The following CERKL variants were observed in gnomAD, a reference collection of about 807,000 sequenced individuals.
CERKL encodes CERK like autophagy regulator.
CERKL carries 61 observed loss-of-function variants against 63.4 expected under a neutral mutation model. That is an observed-to-expected ratio of 0.96 (90% CI 0.78 to 1.19). The LOEUF (loss-of-function observed/expected upper bound fraction) is 1.19, where lower values mean the gene tolerates loss of function less well. CERKL is among the 50% of genes most tolerant of loss of function. The pLI is 0.00. For synonymous variants in CERKL, 250 were observed against 230.5 expected, an observed-to-expected ratio of 1.08 and a Z score of -0.77; for missense variants, 675 against 655.5, an observed-to-expected ratio of 1.03 and a Z score of -0.33.
In CERKL at chr2:181,538,024, A is replaced by C. The variant is rs185476460; in HGVS notation, c.*160T>G. 288 of 692,938 alleles carry C rather than the reference A, an allele frequency of 4.2e-4. 3 individuals carry two copies. The East Asian group carries it at 6.1e-3, about 15-fold the overall frequency. The allele number at this position is 692,938 out of a possible 1,614,324, so 42.9% of individuals were successfully genotyped here. ...AGAGAATCTAATGCCTGATGATCTG[A>C]GGTGGAACAGTTCATCCTGAAACCA... On this transcript the variant is annotated 3_prime_UTR_variant, in exon 13 of 13. Transcript: ENST00000410087.
At chr2:181,647,079 AG>A (rs1259000429) in intron 1 of CERKL, among the ~76,000 whole-genome samples, 6 of 152,246 alleles carry the variant, frequency 3.9e-5, no homozygotes, top group African/African-American at 1.4e-4. Flanking sequence ...TAAAAACCAA[AG>A]AAAGAAAGTG....
intron 3 of CERKL, among the ~76,000 whole-genome samples, chr2:181,567,029 A>G (rs1574456185): frequency 6.6e-6 from 1 of 152,064 alleles, no homozygotes; most frequent in South Asian, 2.1e-4. Context: ...TTTTCCTACA[A>G]TGTTTTTCGA....
At chr2:181,577,737 G>A (rs559248266) in intron 2 of CERKL, among the ~76,000 whole-genome samples, 1 of 152,264 alleles carries the variant, frequency 6.6e-6, no homozygotes, top group East Asian at 1.9e-4. Flanking sequence ...GCAGTGACAT[G>A]GGGTGGAAGA....
At chr2:181,556,939 C>A (rs6724107) in intron 5 of CERKL, among the ~76,000 whole-genome samples, 61,642 of 151,930 alleles carry the variant, frequency 0.41, 13,588 homozygotes, top group African/African-American at 0.58. Flanking sequence ...CACCATTCTA[C>A]CTGGGGTGAG....
At position 181,656,801 on chromosome 2, in the gene CERKL, C is replaced by T. The variant is rs1688185277; in HGVS notation, c.206G>A (p.Arg69Gln). 1 of 1,596,498 alleles carries T rather than the reference C, an allele frequency of 6.3e-7. No individual in the cohort carries two copies. The highest frequency in any genetic ancestry group is 8.6e-7 in the Non-Finnish European group (1 of 1,169,242). The change falls in exon 1 of 13, where the codon CGG becomes CAG. Residue 69 changes from arginine (R) to glutamine (Q), a missense_variant. Transcript: ENST00000410087. ...GCGCTCGGGCTGAATGGGCCGCCACCGCAGTGCTCGCTCGCTCAGCACCAC... is the reference window on the plus strand; with the variant it reads ...GCGCTCGGGCTGAATGGGCCGCCACTGCAGTGCTCGCTCGCTCAGCACCAC... ...CDVVLSERAL[R>Q]WRPIQPERPA... is the part of the protein sequence containing the mutation.
rs745449502 is a variant in CERKL at position 181,538,183 on chromosome 2, G to GTTACT, written c.1595_1599dup. 1.9e-6 allele frequency: 3 copies of GTTACT among 1,557,752 alleles called. No individual in the cohort carries two copies. In the African/African-American group the frequency reaches 4.1e-5, roughly 21 times the overall value. ...ACATTTCTTTTAGAAACAATTACATGTTACTTTGGAATCATTTCTTCCATG... is the reference window on the plus strand; with the variant it reads ...ACATTTCTTTTAGAAACAATTACATGTTACTTTACTTTGGAATCATTTCTTCCATG... On this transcript the variant is annotated 3_prime_UTR_variant, in exon 13 of 13. Coordinates refer to ENST00000410087, the MANE Select transcript of CERKL (RefSeq NM_201548.5).
chr2:181,605,462 T>A (rs1685637499), intron 1 of CERKL, among the ~76,000 whole-genome samples: 1 of 152,194 alleles, frequency 6.6e-6, no homozygotes, highest in African/African-American at 2.4e-5. Context: ...TCCTACCAGC[T>A]GAAGTGGAAA....
Position 181,566,041 on chromosome 2 carries a change from T to TTACATA in CERKL, c.677+16_677+17insTATGTA, listed in dbSNP as rs745315252. ...ACATAAATGATATAACATATATTGA[T>TTACATA]TAATAATATAACCTACCCATCAAAT... On this transcript the variant is annotated intron_variant, in intron 4 of 12. Coordinates refer to ENST00000410087, the MANE Select transcript of CERKL (RefSeq NM_201548.5). The TTACATA allele has an allele frequency of 3.7e-5, 56 of 1,521,368 alleles. No individual in the cohort carries two copies. The highest frequency in any genetic ancestry group is 4.5e-5 in the Non-Finnish European group (49 of 1,096,502). The allele number at this position is 1,521,368 out of a possible 1,614,324, so 94.2% of individuals were successfully genotyped here.
intron 2 of CERKL, among the ~76,000 whole-genome samples, chr2:181,588,066 T>C (rs1321704844): frequency 6.6e-6 from 1 of 152,196 alleles, no homozygotes; most frequent in Admixed American, 6.5e-5. Context: ...AATGGCTAAA[T>C]TGAGCCAATT....
intron 2 of CERKL, among the ~76,000 whole-genome samples, chr2:181,594,749 C>G (rs376763429): frequency 6.6e-6 from 1 of 151,926 alleles, no homozygotes; most frequent in African/African-American, 2.4e-5. Flanking sequence ...TAAAGATGAT[C>G]GACAAGGAGA....
At chr2:181,604,160 T>A in intron 1 of CERKL, 81 bp from the exon 2 acceptor site, 1 of 1,178,254 alleles carries the variant, frequency 8.5e-7, no homozygotes, top group Non-Finnish European at 1.2e-6. Context: ...TACCAGAGGG[T>A]AGAAAGTGAG....
chr2:181,581,489 A>T (rs900569484), intron 2 of CERKL, among the ~76,000 whole-genome samples: 3 of 152,232 alleles, frequency 2.0e-5, no homozygotes, highest in Admixed American at 1.3e-4. Context: ...TGAATCCTGT[A>T]GTTGACAGCC....
intron 1 of CERKL, among the ~76,000 whole-genome samples, chr2:181,654,611 C>A (rs535971058): frequency 6.6e-6 from 1 of 152,324 alleles, no homozygotes; most frequent in East Asian, 1.9e-4. Context: ...GCTCTCCCCC[C>A]ACCACATCCT....
At chr2:181,642,735 AT>A (rs941187106) in intron 1 of CERKL, among the ~76,000 whole-genome samples, 27 of 151,982 alleles carry the variant, frequency 1.8e-4, no homozygotes, top group African/African-American at 6.3e-4. Flanking sequence ...GCCTAGTTTT[AT>A]TTTTTTTAAA....
chr2:181,606,899 T>C lies in CERKL; in HGVS notation c.239-2820A>G, dbSNP rs548001529. 2.0e-5 allele frequency among the ~76,000 whole-genome samples: 3 copies of C among 152,306 alleles called. No individual in the cohort carries two copies. In the South Asian group the frequency reaches 6.2e-4, roughly 32 times the overall value. On this transcript the variant is annotated intron_variant, in intron 1 of 12. Transcript: ENST00000410087. The stretch of plus-strand genomic sequence containing the variant: ...GAATGGTTTGTCCTGTCCCGGTCAG[T>C]AAATACTAATTGATTAACCCTCATC...
chr2:181,576,988 C>T (rs982872290), intron 2 of CERKL, among the ~76,000 whole-genome samples: 8 of 152,274 alleles, frequency 5.3e-5, no homozygotes, highest in Non-Finnish European at 1.2e-4. Context: ...GCATATTCAT[C>T]AGAATTACCT....
intron 2 of CERKL, among the ~76,000 whole-genome samples, chr2:181,578,511 G>A (rs1392562061): frequency 6.0e-5 from 9 of 150,038 alleles, no homozygotes; most frequent in African/African-American, 2.0e-4. Flanking sequence ...TGTTGGCCAG[G>A]CTCATCCTGA....
chr2:181,580,687 G>A (rs527868536), intron 2 of CERKL, among the ~76,000 whole-genome samples: 18 of 152,254 alleles, frequency 1.2e-4, no homozygotes, highest in South Asian at 1.0e-3. Flanking sequence ...AGAGCTGTTT[G>A]ACATAAGTAA....
intron 1 of CERKL, among the ~76,000 whole-genome samples, chr2:181,645,419 T>A (rs1687627003): frequency 6.6e-6 from 1 of 152,230 alleles, no homozygotes; most frequent in Admixed American, 6.5e-5. Flanking sequence ...ATCTTCCCTC[T>A]CCTCCATCTA....
Sources: allele counts gnomAD v4.1 joint callset (sites outside exome capture counted in the v4.1 genomes callset), GRCh38; gene constraint gnomAD v4.1.1; transcripts MANE v1.5; gene names NCBI Gene and HGNC (gene_info 2026-07-23, HGNC 2026-07-21).